DIP2B: variants seen among roughly 807,000 people sequenced by gnomAD.
DIP2B encodes DIP2 acetate--CoA ligase B (putative).
In DIP2B, 76 loss-of-function variants were observed where a neutral mutation model predicts 198.0. That is an observed-to-expected ratio of 0.38 (90% confidence interval 0.32 to 0.46). The LOEUF (loss-of-function observed/expected upper bound fraction) is 0.46. Ranked by LOEUF, DIP2B falls within the 20% of genes least tolerant of loss-of-function variation. DIP2B has a pLI of 0.99. For missense variants in DIP2B, 1,559 were observed against 1,978.4 expected (o/e 0.79, Z 4.02); for synonymous variants, 701 against 739.1 (o/e 0.95, Z 0.84).
In DIP2B at chr12:50,686,692, A is replaced by G. The variant is rs1280133442; in HGVS notation, c.1551+10A>G. 1.2e-6 allele frequency: 2 copies of G among 1,609,698 alleles called. No individual in the cohort carries two copies. The highest frequency in any genetic ancestry group is 2.7e-5 in the African/African-American group (2 of 74,920). On this transcript the variant is annotated intron_variant, in intron 12 of 37. Coordinates refer to ENST00000301180, the MANE Select transcript of DIP2B (RefSeq NM_173602.3). ...ACCGGCATACATTGAGGTAAGTCCT[A>G]AGATGTAAAATATGCTTTCAGGCTT...
intron 1 of DIP2B, among the ~76,000 whole-genome samples, chr12:50,533,945 T>G (rs896984955): frequency 6.6e-6 from 1 of 151,966 alleles, no homozygotes; most frequent in Non-Finnish European, 1.5e-5. Flanking sequence ...GAAACTTTTT[T>G]CCCCCCTGTG....
intron 25 of DIP2B, 77 bp downstream of exon 25, chr12:50,719,112 C>A: frequency 6.8e-7 from 1 of 1,479,080 alleles, no homozygotes; most frequent in Non-Finnish European, 9.2e-7. Flanking sequence ...CTCTTTCTTT[C>A]ATCAGAAAAT....
At chr12:50,534,369 A>ATTTTTTTTTTTTTTTTTTTTTTT (rs72095442) in intron 1 of DIP2B, among the ~76,000 whole-genome samples, 1 of 107,870 alleles carries the variant, frequency 9.3e-6, no homozygotes, top group Non-Finnish European at 1.8e-5. Context: ...TTCTCATTTC[A>ATTTTTTTTTTTTTTTTTTTTTTT]TTTTTTTTTT....
At chr12:50,664,696 A>G (rs1938714832) in intron 4 of DIP2B, among the ~76,000 whole-genome samples, 1 of 152,164 alleles carries the variant, frequency 6.6e-6, no homozygotes, top group Non-Finnish European at 1.5e-5. Context: ...AATAGACCAC[A>G]TAATGACCCT....
rs776922455 is a variant in DIP2B, at chr12:50,686,675, A to G, written c.1544A>G (p.Tyr515Cys). 3 of 1,613,850 alleles carry G rather than the reference A, an allele frequency of 1.9e-6. No homozygotes were observed. The South Asian group carries it at 3.3e-5, about 18-fold the overall frequency. ...TCACCTGCTGGGACAGAACCGGCAT[A>G]CATTGAGGTAAGTCCTAAGATGTAA... ...HISPAGTEPA[Y>C]IEYKTSKEGS... The change falls in exon 12 of 38, where the codon TAC (tyrosine) becomes TGC (cysteine). Residue 515 changes from tyrosine (Y) to cysteine (C), a missense_variant. Coordinates refer to ENST00000301180, the MANE Select transcript of DIP2B (RefSeq NM_173602.3).
intron 1 of DIP2B, among the ~76,000 whole-genome samples, chr12:50,532,157 G>C (rs1334464553): frequency 2.0e-5 from 3 of 152,170 alleles, no homozygotes; most frequent in African/African-American, 7.2e-5. Flanking sequence ...ATACTCATAG[G>C]TGATGGATGA....
At chr12:50,697,234 G>A (rs1394223539) in intron 17 of DIP2B, 59 bp downstream of exon 17, 1 of 1,481,116 alleles carries the variant, frequency 6.8e-7, no homozygotes, top group African/African-American at 1.4e-5. Context: ...GAAATGTGCA[G>A]TATTTACCAG....
At chr12:50,602,415 C>T (rs1474375457) in intron 1 of DIP2B, among the ~76,000 whole-genome samples, 1 of 152,102 alleles carries the variant, frequency 6.6e-6, no homozygotes, top group Non-Finnish European at 1.5e-5. Flanking sequence ...AATACAGGCA[C>T]ACACCACTGT....
chr12:50,557,928 C>G (rs751237477), intron 1 of DIP2B, among the ~76,000 whole-genome samples: 1 of 152,172 alleles, frequency 6.6e-6, no homozygotes, highest in Admixed American at 6.5e-5. Flanking sequence ...GAGAGGATCG[C>G]TTGAGCCCAG....
chr12:50,692,356 A>G (rs1238451425), intron 13 of DIP2B, among the ~76,000 whole-genome samples: 1 of 152,028 alleles, frequency 6.6e-6, no homozygotes, highest in Non-Finnish European at 1.5e-5. Context: ...CAAACTTCCC[A>G]AGTTTCTAAA....
chr12:50,640,246 C>CA (rs1356746051), intron 2 of DIP2B, among the ~76,000 whole-genome samples: 1 of 152,044 alleles, frequency 6.6e-6, no homozygotes, highest in African/African-American at 2.4e-5. Flanking sequence ...AGTATGGGGA[C>CA]AGGGTAGGGT....
chr12:50,662,415 T>TTACACACA (rs1450001575), intron 4 of DIP2B, among the ~76,000 whole-genome samples: 1 of 152,200 alleles, frequency 6.6e-6, no homozygotes, highest in African/African-American at 2.4e-5. Flanking sequence ...CATGCAACAA[T>TTACACACA]TACACACATG....
intron 1 of DIP2B, among the ~76,000 whole-genome samples, chr12:50,579,749 A>C (rs1958706963): frequency 7.2e-6 from 1 of 138,598 alleles, no homozygotes; most frequent in African/African-American, 2.7e-5. Flanking sequence ...GTAATTTTGG[A>C]GAGACCCCCA....
chr12:50,525,410 A>G lies in DIP2B; in HGVS notation c.100+20170A>G, dbSNP rs552705521. Reference sequence around the variant, plus strand: ...TACCGGTAGAGGGTTATTGGGCACAATTTAAAAGAGGGTGGTCATCATGAG... The same window carrying G: ...TACCGGTAGAGGGTTATTGGGCACAGTTTAAAAGAGGGTGGTCATCATGAG... On this transcript the variant is annotated intron_variant, in intron 1 of 37. Transcript: ENST00000301180. Among the ~76,000 whole-genome samples the G allele has an allele frequency of 5.3e-5, 8 of 151,724 alleles. 1 individual carries two copies. In the East Asian group the frequency reaches 1.6e-3, roughly 30 times the overall value.
chr12:50,729,421 C>G (rs1244596216), intron 30 of DIP2B, among the ~76,000 whole-genome samples: 3 of 152,164 alleles, frequency 2.0e-5, no homozygotes, highest in Admixed American at 2.0e-4. Flanking sequence ...ATTAATGGGA[C>G]TCCCCAAGAC....
chr12:50,712,722 C>A (rs1438186173), intron 22 of DIP2B, among the ~76,000 whole-genome samples: 1 of 152,108 alleles, frequency 6.6e-6, no homozygotes, highest in African/African-American at 2.4e-5. Context: ...GCCTAGCCAA[C>A]ATAGTGAAAC....
At chr12:50,649,717 A>T (rs1262672783) in intron 3 of DIP2B, among the ~76,000 whole-genome samples, 1 of 152,052 alleles carries the variant, frequency 6.6e-6, no homozygotes, top group Non-Finnish European at 1.5e-5. Context: ...TTAGCTGGGT[A>T]TGGTGATGAG....
rs778114179 is a variant in DIP2B, at chr12:50,727,683, G to A, written c.3401-20G>A. On this transcript the variant is annotated intron_variant, in intron 28 of 37. Transcript: ENST00000301180. ...TTCCAGCATGTTGGATTGACATCAG[G>A]TTTTTTCTTTTCATGGCAGATGATT... 1.9e-6 allele frequency: 3 copies of A among 1,605,864 alleles called. No homozygotes were observed. The highest frequency in any genetic ancestry group is 3.3e-5 in the Admixed American group (2 of 59,890).
Position 50,727,683 on chromosome 12 carries a change from G to GT in DIP2B, c.3401-14dup, listed in dbSNP as rs770516758. On this transcript the variant is annotated intron_variant, in intron 28 of 37. Coordinates refer to ENST00000301180, the MANE Select transcript of DIP2B (RefSeq NM_173602.3). The stretch of plus-strand genomic sequence containing the variant: ...TTCCAGCATGTTGGATTGACATCAG[G>GT]TTTTTTCTTTTCATGGCAGATGATT... The GT allele has an allele frequency of 2.5e-6, 4 of 1,605,746 alleles. No individual in the cohort carries two copies. The East Asian group carries it at 8.9e-5, about 36-fold the overall frequency.
Sources: gnomAD v4.1 joint callset for allele counts (sites outside exome capture counted in the v4.1 genomes callset) on GRCh38, gnomAD v4.1.1 for gene constraint, MANE v1.5 for transcripts, NCBI Gene and HGNC (gene_info 2026-07-23, HGNC 2026-07-21) for gene names.